The following PRKN variants were observed in gnomAD, a reference collection of about 807,000 sequenced individuals.
PRKN encodes the protein parkin RBR E3 ubiquitin protein ligase, also known as E3 ubiquitin-protein ligase parkin.
Under a neutral mutation model 59.5 loss-of-function variants are expected in PRKN, and 56 were observed. The observed-to-expected ratio is 0.94, with a 90% CI of 0.76 to 1.18. The LOEUF (loss-of-function observed/expected upper bound fraction) is 1.18, where lower values mean the gene tolerates loss of function less well. PRKN is among the 50% of genes most tolerant of loss of function. The pLI is 0.00. For missense variants in PRKN, 657 were observed against 596.4 expected (o/e 1.10, Z -1.06); for synonymous variants, 250 against 222.1 (o/e 1.13, Z -1.12).
At chr6:162,511,608 T>G (rs1040918743) in intron 1 of PRKN, among the ~76,000 whole-genome samples, 1 of 152,162 alleles carries the variant, frequency 6.6e-6, no homozygotes, top group Non-Finnish European at 1.5e-5. Context: ...GTTCATGGAC[T>G]ATTAATAATA....
At chr6:161,821,508 T>C (rs1792022838) in intron 6 of PRKN, among the ~76,000 whole-genome samples, 1 of 152,090 alleles carries the variant, frequency 6.6e-6, no homozygotes, top group African/African-American at 2.4e-5. Flanking sequence ...GTACACTTCT[T>C]TCTATCCTCT....
At position 161,440,537 on chromosome 6, in the gene PRKN, G is replaced by A. The variant is rs933999106; in HGVS notation, c.1084-53660C>T. Among the ~76,000 whole-genome samples, 8 of 152,182 alleles carry A rather than the reference G, an allele frequency of 5.3e-5. No individual in the cohort carries two copies. The highest frequency in any genetic ancestry group is 1.4e-4 in the African/African-American group (6 of 41,444). On this transcript the variant is annotated intron_variant, in intron 9 of 11. Coordinates refer to ENST00000366898, the MANE Select transcript of PRKN (RefSeq NM_004562.3). The surrounding 1 kb of genome is among the most constrained non-coding windows in gnomAD (Gnocchi z 4.1). ...AGATTGAATTGTTCTGCAAAGACATGGTCGGCAGACACAGAGGGTTCCCTC... is the reference window on the plus strand; with the variant it reads ...AGATTGAATTGTTCTGCAAAGACATAGTCGGCAGACACAGAGGGTTCCCTC...
intron 6 of PRKN, among the ~76,000 whole-genome samples, chr6:161,834,048 C>T (rs888918145): frequency 6.6e-6 from 1 of 152,092 alleles, no homozygotes; most frequent in African/African-American, 2.4e-5. Context: ...GCAAAAGTCC[C>T]AACCTAAGAC....
At chr6:162,554,991 T>C (rs1278187473) in intron 1 of PRKN, among the ~76,000 whole-genome samples, 4 of 152,188 alleles carry the variant, frequency 2.6e-5, no homozygotes, top group Non-Finnish European at 5.9e-5. Context: ...AAGTCACTTA[T>C]TCAGTTCCTT....
At chr6:162,018,087 C>T (rs943014667) in intron 5 of PRKN, among the ~76,000 whole-genome samples, 5 of 152,106 alleles carry the variant, frequency 3.3e-5, no homozygotes, top group Non-Finnish European at 5.9e-5. Flanking sequence ...AGTGCAGTGA[C>T]ATGATCTCCG....
chr6:161,803,598 C>T (rs572424376), intron 6 of PRKN, among the ~76,000 whole-genome samples: 15 of 152,304 alleles, frequency 9.8e-5, no homozygotes, highest in African/African-American at 2.4e-4. Flanking sequence ...CAGCTCAACT[C>T]GGGTGGAGCC....
chr6:162,538,444 C>T (rs181162647), intron 1 of PRKN, among the ~76,000 whole-genome samples: 2 of 151,824 alleles, frequency 1.3e-5, no homozygotes, highest in East Asian at 3.9e-4. Flanking sequence ...ATCTAAATAC[C>T]TAAAGGCAAC....
intron 2 of PRKN, among the ~76,000 whole-genome samples, chr6:162,272,123 G>C (rs958754651): frequency 1.3e-5 from 2 of 152,098 alleles, no homozygotes; most frequent in East Asian, 3.9e-4. Flanking sequence ...CGGGAGGGGG[G>C]ACCGCTCAGG....
chr6:161,696,208 AT>A (rs1483902747), intron 7 of PRKN, among the ~76,000 whole-genome samples: 2 of 152,254 alleles, frequency 1.3e-5, no homozygotes, highest in East Asian at 1.9e-4. Flanking sequence ...TTGGAAAACC[AT>A]TTTTTTCCCA....
chr6:161,427,741 T>A (rs1248215829), intron 9 of PRKN, among the ~76,000 whole-genome samples: 1 of 152,102 alleles, frequency 6.6e-6, no homozygotes, highest in Non-Finnish European at 1.5e-5. Flanking sequence ...AATAGATAGA[T>A]AAAGTCACAT....
chr6:161,355,251 T>C lies in PRKN; in HGVS notation c.1285+4837A>G, dbSNP rs1784703611. On this transcript the variant is annotated intron_variant, in intron 11 of 11. Coordinates refer to ENST00000366898, the MANE Select transcript of PRKN (RefSeq NM_004562.3). The surrounding 1 kb of genome is among the most constrained non-coding windows in gnomAD (Gnocchi z 6.8). Reference sequence around the variant, plus strand: ...TTGCCTTGCTCATATCTGCTCATTCTTCAATTCTTGGCTGGTATCATCTCT... The same window carrying C: ...TTGCCTTGCTCATATCTGCTCATTCCTCAATTCTTGGCTGGTATCATCTCT... Among the ~76,000 whole-genome samples the C allele has an allele frequency of 6.6e-6, 1 of 152,242 alleles. No homozygotes were observed.
intron 1 of PRKN, among the ~76,000 whole-genome samples, chr6:162,637,435 T>C (rs1441464673): frequency 2.0e-5 from 3 of 152,140 alleles, no homozygotes; most frequent in Non-Finnish European, 2.9e-5. Flanking sequence ...TCTAAAATTC[T>C]AAACAGTAGG....
intron 4 of PRKN, among the ~76,000 whole-genome samples, chr6:162,168,179 T>A (rs1443367285): frequency 6.6e-6 from 1 of 152,124 alleles, no homozygotes; most frequent in African/African-American, 2.4e-5. Context: ...AAGTTGCGTA[T>A]CCTTGTAAGA....
intron 4 of PRKN, among the ~76,000 whole-genome samples, chr6:162,122,417 A>C (rs2128305800): frequency 6.6e-6 from 1 of 152,302 alleles, no homozygotes; most frequent in South Asian, 2.1e-4. Context: ...TCCTCGCTGG[A>C]AAAGGCATTT....
chr6:162,285,161 G>A (rs1781123203), intron 2 of PRKN, among the ~76,000 whole-genome samples: 2 of 151,484 alleles, frequency 1.3e-5, no homozygotes, highest in Middle Eastern at 3.5e-3. Context: ...CACCCAGTCT[G>A]TAGTGAAGGT....
At chr6:162,525,406 C>A (rs1778239079) in intron 1 of PRKN, among the ~76,000 whole-genome samples, 1 of 152,200 alleles carries the variant, frequency 6.6e-6, no homozygotes. Context: ...TTCTTTCCTC[C>A]CCCTGAAATG....
intron 2 of PRKN, among the ~76,000 whole-genome samples, chr6:162,331,945 G>C (rs950303008): frequency 6.6e-6 from 1 of 152,132 alleles, no homozygotes; most frequent in Non-Finnish European, 1.5e-5. Flanking sequence ...CTTTTAGTGG[G>C]ATGTATTCAG....
At chr6:162,347,377 T>C (rs981232473) in intron 2 of PRKN, among the ~76,000 whole-genome samples, 5 of 151,796 alleles carry the variant, frequency 3.3e-5, no homozygotes, top group African/African-American at 1.2e-4. Context: ...AATAATACCA[T>C]CTAATTTCCT....
At chr6:162,000,815 T>A (rs1427176724) in intron 5 of PRKN, among the ~76,000 whole-genome samples, 4 of 149,998 alleles carry the variant, frequency 2.7e-5, no homozygotes, top group South Asian at 2.1e-4. Context: ...AAAGTTTTAA[T>A]TTTGTAAGGA....
Sources: allele counts gnomAD v4.1 joint callset (sites outside exome capture counted in the v4.1 genomes callset), GRCh38; gene constraint gnomAD v4.1.1; non-coding constraint Gnocchi (gnomAD v3.1); transcripts MANE v1.5; gene names NCBI Gene and HGNC (gene_info 2026-07-23, HGNC 2026-07-21).